Variants in LCLAT1 observed in about 807,000 individuals in gnomAD.
The protein encoded by LCLAT1 is lysocardiolipin acyltransferase 1.
LCLAT1 carries 11 observed loss-of-function variants against 30.7 expected under a neutral mutation model. The observed-to-expected ratio is 0.36, with a 90% CI of 0.23 to 0.59. The LOEUF is 0.59. Among genes scored for constraint, LCLAT1 ranks in the 20% least tolerant of loss-of-function variants. The probability of loss-of-function intolerance (pLI) is 0.77; values close to 1 mark genes in which losing one functional copy is unlikely to be tolerated. For synonymous variants in LCLAT1, 155 were observed against 151.3 expected (o/e 1.02, Z -0.18); for missense variants, 402 against 458.6 (o/e 0.88, Z 1.13).
At chr2:30,636,008 C>T (rs1008785012) in intron 5 of LCLAT1, among the ~76,000 whole-genome samples, 7 of 152,070 alleles carry the variant, frequency 4.6e-5, no homozygotes, top group African/African-American at 2.4e-5. Flanking sequence ...AGGATGGCAA[C>T]CAGGTACCCA....
intron 1 of LCLAT1, among the ~76,000 whole-genome samples, chr2:30,494,790 C>T (rs769844447): frequency 6.6e-6 from 1 of 151,176 alleles, no homozygotes; most frequent in Non-Finnish European, 1.5e-5. Flanking sequence ...ATCAGTTGAT[C>T]CTCAAAGCTT....
chr2:30,448,394 T>C (rs960961486), intron 1 of LCLAT1, among the ~76,000 whole-genome samples: 2 of 152,252 alleles, frequency 1.3e-5, no homozygotes, highest in Non-Finnish European at 2.9e-5. Flanking sequence ...ATCATCACTT[T>C]TTCGTTTAGG....
At chr2:30,595,149 TTTC>T (rs1187851369) in intron 5 of LCLAT1, among the ~76,000 whole-genome samples, 1 of 152,160 alleles carries the variant, frequency 6.6e-6, no homozygotes, top group Non-Finnish European at 1.5e-5. Flanking sequence ...TTCATACCCA[TTTC>T]TTATCACTGA....
chr2:30,475,410 A>G (rs1682997900), intron 1 of LCLAT1, among the ~76,000 whole-genome samples: 1 of 152,166 alleles, frequency 6.6e-6, no homozygotes, highest in Admixed American at 6.5e-5. Flanking sequence ...CTGGTATTAT[A>G]TGCTTTTTTT....
chr2:30,622,774 A>C (rs1429359170), intron 5 of LCLAT1, among the ~76,000 whole-genome samples: 1 of 152,168 alleles, frequency 6.6e-6, no homozygotes, highest in Non-Finnish European at 1.5e-5. Flanking sequence ...ACATCAAGGG[A>C]GCACCCCATG....
At chr2:30,576,550 T>A (rs1387256256) in intron 5 of LCLAT1, among the ~76,000 whole-genome samples, 1 of 152,088 alleles carries the variant, frequency 6.6e-6, no homozygotes. Flanking sequence ...AAATCAAAAT[T>A]CTCAGCAAAG....
At chr2:30,498,586 A>T (rs1311625282) in intron 1 of LCLAT1, among the ~76,000 whole-genome samples, 1 of 151,576 alleles carries the variant, frequency 6.6e-6, no homozygotes, top group African/African-American at 2.4e-5. Context: ...TTTACCAAGG[A>T]CTCACCCCAA....
chr2:30,459,881 T>G (rs940467498), intron 1 of LCLAT1, among the ~76,000 whole-genome samples: 1 of 152,220 alleles, frequency 6.6e-6, no homozygotes, highest in Non-Finnish European at 1.5e-5. Flanking sequence ...AAATAAGCAT[T>G]CATTTCTATT....
At chr2:30,545,255 G>C (rs537614156) in intron 3 of LCLAT1, among the ~76,000 whole-genome samples, 68 of 152,236 alleles carry the variant, frequency 4.5e-4, no homozygotes, top group African/African-American at 1.4e-3. Context: ...TGGCTGCATC[G>C]TAGTGGTCAA....
In LCLAT1 at chr2:30,562,052, A is replaced by G. The variant is rs1665251262; in HGVS notation, c.365-94A>G. The G allele has an allele frequency of 6.4e-6, 5 of 784,462 alleles. No homozygotes were observed. In the East Asian group the frequency reaches 8.3e-5, roughly 13 times the overall value. 48.6% of individuals were successfully genotyped at this position (784,462 alleles called of 1,614,324 possible). ...AAATGTTTACAATAATAAATAATAT[A>G]TAGTAAAACCAGAAAACTGAAATAT... On this transcript the variant is annotated intron_variant, in intron 3 of 5. Transcript: ENST00000379509.
chr2:30,511,900 C>T (rs1460743966), intron 1 of LCLAT1, among the ~76,000 whole-genome samples: 1 of 152,238 alleles, frequency 6.6e-6, no homozygotes, highest in Non-Finnish European at 1.5e-5. Flanking sequence ...AACTGCCATT[C>T]ATCTCCATTT....
intron 1 of LCLAT1, among the ~76,000 whole-genome samples, chr2:30,496,955 A>G (rs1372561293): frequency 6.6e-6 from 1 of 151,870 alleles, no homozygotes; most frequent in African/African-American, 2.4e-5. Flanking sequence ...AGAGCATACA[A>G]CTCTTGTTAT....
At chr2:30,637,326 T>G (rs964366801) in intron 5 of LCLAT1, among the ~76,000 whole-genome samples, 41 of 110,804 alleles carry the variant, frequency 3.7e-4, no homozygotes, top group Admixed American at 4.3e-4. Context: ...AGATTGCTGG[T>G]TTTTTTTTTT....
intron 5 of LCLAT1, among the ~76,000 whole-genome samples, chr2:30,600,097 A>G (rs1267042721): frequency 1.3e-5 from 2 of 152,114 alleles, no homozygotes; most frequent in Non-Finnish European, 2.9e-5. Flanking sequence ...AGTTCTTGCA[A>G]GGCAGGCCTG....
rs1036744880 is a variant in LCLAT1, at chr2:30,617,875, A to G, written c.629-22242A>G. Among the ~76,000 whole-genome samples, 4 of 152,256 alleles carry G rather than the reference A, an allele frequency of 2.6e-5. No homozygotes were observed. In the East Asian group the frequency reaches 7.7e-4, roughly 29 times the overall value. On this transcript the variant is annotated intron_variant, in intron 5 of 5. Transcript: ENST00000379509. ...TTATGGGCTTGCAAGAATGTTTTAT[A>G]TATCTTAGATACAAGTTATTTATAA...
intron 3 of LCLAT1, among the ~76,000 whole-genome samples, chr2:30,543,289 C>G (rs1402778442): frequency 1.3e-5 from 2 of 152,128 alleles, no homozygotes; most frequent in Admixed American, 6.6e-5. Flanking sequence ...TGATGGTAAA[C>G]TAACCTTACA....
intron 5 of LCLAT1, among the ~76,000 whole-genome samples, chr2:30,583,458 T>G (rs1666293001): frequency 6.6e-6 from 1 of 152,236 alleles, no homozygotes; most frequent in Admixed American, 6.5e-5. Context: ...CTTGATTTTT[T>G]TTTCTGTTTC....
intron 5 of LCLAT1, among the ~76,000 whole-genome samples, chr2:30,639,777 A>G (rs1402329382): frequency 2.0e-5 from 3 of 152,206 alleles, no homozygotes; most frequent in East Asian, 3.9e-4. Flanking sequence ...ACTGAATTCT[A>G]TTGGTGTTTA....
At chr2:30,451,206 T>G (rs1414855255) in intron 1 of LCLAT1, among the ~76,000 whole-genome samples, 1 of 152,206 alleles carries the variant, frequency 6.6e-6, no homozygotes, top group Non-Finnish European at 1.5e-5. Flanking sequence ...ATTAAAAAGA[T>G]GGACAGTGCC....
Sources: allele counts gnomAD v4.1 joint callset (sites outside exome capture counted in the v4.1 genomes callset), GRCh38; gene constraint gnomAD v4.1.1; transcripts MANE v1.5; gene names NCBI Gene and HGNC (gene_info 2026-07-23, HGNC 2026-07-21).